LRRFIP1: variants seen among roughly 807,000 people sequenced by gnomAD.
LRRFIP1 encodes leucine-rich repeat flightless-interacting protein 1.
Under a neutral mutation model 104.4 loss-of-function variants are expected in LRRFIP1, and 62 were observed. The observed-to-expected ratio is 0.59, with a 90% CI of 0.48 to 0.73. The LOEUF is 0.73. Among genes scored for constraint, LRRFIP1 ranks in the 30% least tolerant of loss-of-function variants. LRRFIP1 has a pLI of 0.00. For missense variants in LRRFIP1, 796 were observed against 824.5 expected, an observed-to-expected ratio of 0.97 and a Z score of 0.42; for synonymous variants, 300 against 299.0, an observed-to-expected ratio of 1.00 and a Z score of -0.03.
rs2058147245 is a variant in LRRFIP1 at position 237,748,358 on chromosome 2, C to G, written c.634-6C>G. On this transcript the variant is annotated splice_polypyrimidine_tract_variant and splice_region_variant and intron_variant, in intron 11 of 23. Transcript: ENST00000308482. ...TATTTAATATTTTGTCTGTTTTCGT[C>G]TACAGGTAGAAGAGAGACCAGAAAA... 2 of 1,604,178 alleles carry G rather than the reference C, an allele frequency of 1.2e-6. No individual in the cohort carries two copies. The highest frequency in any genetic ancestry group is 1.7e-6 in the Non-Finnish European group (2 of 1,173,812).
chr2:237,734,196 TTTTAAA>T (rs2095145214), intron 9 of LRRFIP1, among the ~76,000 whole-genome samples: 2 of 152,128 alleles, frequency 1.3e-5, no homozygotes, highest in African/African-American at 2.4e-5. Flanking sequence ...AAATTTCCAG[TTTTAAA>T]TATAAGTACT....
At position 237,723,130 on chromosome 2, in the gene LRRFIP1, CAGAA is replaced by C. The variant is rs534970433; in HGVS notation, c.346-415_346-412del. On this transcript the variant is annotated intron_variant, in intron 6 of 23. Transcript: ENST00000308482. The stretch of plus-strand genomic sequence containing the variant: ...TCTGGAATTTGTATGGATGCCTCCT[CAGAA>C]AGTCTAGATTTTGGATTTTCTAGAA... 2.2e-3 allele frequency among the ~76,000 whole-genome samples: 335 copies of C among 152,224 alleles called. 4 individuals are homozygous for C. Among genetic ancestry groups the C allele is most frequent in the African/African-American group, 7.8e-3 (323 of 41,524 alleles).
intron 11 of LRRFIP1, among the ~76,000 whole-genome samples, chr2:237,744,047 T>G (rs750973449): frequency 1.3e-5 from 2 of 152,196 alleles, no homozygotes; most frequent in African/African-American, 2.4e-5. Context: ...AACACTATTT[T>G]GACTCATGTT....
At chr2:237,715,125 T>A (rs2094276432) in intron 3 of LRRFIP1, among the ~76,000 whole-genome samples, 1 of 152,134 alleles carries the variant, frequency 6.6e-6, no homozygotes, top group African/African-American at 2.4e-5. Flanking sequence ...GGGCAGTAAA[T>A]TTAAGAGCCT....
At chr2:237,645,941 G>A (rs556709931) in intron 1 of LRRFIP1, among the ~76,000 whole-genome samples, 1 of 151,936 alleles carries the variant, frequency 6.6e-6, no homozygotes, top group African/African-American at 2.4e-5. Flanking sequence ...GCTCTGGCCT[G>A]CTTCTCCACT....
chr2:237,696,483 A>G (rs879718520), intron 1 of LRRFIP1, among the ~76,000 whole-genome samples: 16 of 152,254 alleles, frequency 1.1e-4, no homozygotes, highest in Non-Finnish European at 1.9e-4. Context: ...CAAAGAAGAC[A>G]CTAAGTAGTG....
intron 2 of LRRFIP1, among the ~76,000 whole-genome samples, chr2:237,710,894 G>A (rs557974222): frequency 1.6e-4 from 25 of 152,060 alleles, no homozygotes; most frequent in African/African-American, 5.3e-4. Flanking sequence ...CCAGCCACAC[G>A]AAAAGAAAAA....
chr2:237,633,702 G>A (rs760883979), intron 1 of LRRFIP1, among the ~76,000 whole-genome samples: 14 of 152,112 alleles, frequency 9.2e-5, no homozygotes, highest in Non-Finnish European at 1.8e-4. Flanking sequence ...AAAGAGTTCC[G>A]AGTCTCTCTG....
Position 237,719,506 on chromosome 2 carries a change from T to C in LRRFIP1, c.250-17T>C, listed in dbSNP as rs1360222396. 6.2e-7 allele frequency: 1 copy of C among 1,609,354 alleles called. No individual in the cohort carries two copies. The highest frequency in any genetic ancestry group is 1.1e-5 in the South Asian group (1 of 90,904). On this transcript the variant is annotated splice_polypyrimidine_tract_variant and intron_variant, in intron 4 of 23. Transcript: ENST00000308482. ...CCATCTGTCTCTAACCTTTTCATGC[T>C]GTTTCTTCATTGTTAGGAAGACAGT...
At position 237,650,986 on chromosome 2, in the gene LRRFIP1, G is replaced by C. The variant is rs533507766; in HGVS notation, c.96+23246G>C. On this transcript the variant is annotated intron_variant, in intron 1 of 23. Transcript: ENST00000308482. ...TTGAAATGCGTATCGGGTCACTCTG[G>C]GGTATGGGTTTCTGATTAGGGGAGT... is the stretch of plus-strand genomic sequence containing the variant. Among the ~76,000 whole-genome samples, 6 of 152,252 alleles carry C rather than the reference G, an allele frequency of 3.9e-5. No homozygotes were observed. The East Asian group carries it at 1.2e-3, about 29-fold the overall frequency.
intron 1 of LRRFIP1, among the ~76,000 whole-genome samples, chr2:237,668,451 G>A (rs1187964564): frequency 3.3e-5 from 5 of 152,066 alleles, no homozygotes; most frequent in African/African-American, 1.2e-4. Flanking sequence ...ATGGTTCCCC[G>A]CCTTACCATC....
intron 1 of LRRFIP1, among the ~76,000 whole-genome samples, chr2:237,685,277 G>A (rs185344559): frequency 1.2e-4 from 18 of 152,302 alleles, no homozygotes; most frequent in African/African-American, 2.2e-4. Context: ...CTGGGAAAGC[G>A]GATACATTTA....
chr2:237,679,916 T>G (rs920278356), intron 1 of LRRFIP1, among the ~76,000 whole-genome samples: 1 of 152,150 alleles, frequency 6.6e-6, no homozygotes, highest in African/African-American at 2.4e-5. Context: ...CCTGATTTTT[T>G]AAATAATGGA....
intron 1 of LRRFIP1, among the ~76,000 whole-genome samples, chr2:237,643,742 G>A (rs1357624074): frequency 6.6e-6 from 1 of 151,534 alleles, no homozygotes; most frequent in Non-Finnish European, 1.5e-5. Context: ...ACAGATGAAT[G>A]AATGAATGAA....
intron 23 of LRRFIP1, among the ~76,000 whole-genome samples, chr2:237,777,513 T>C (rs2061187471): frequency 6.6e-6 from 1 of 152,240 alleles, no homozygotes; most frequent in African/African-American, 2.4e-5. Context: ...TCAATGATTA[T>C]AGCGATTATG....
chr2:237,660,988 T>C (rs953445693), intron 1 of LRRFIP1, among the ~76,000 whole-genome samples: 1 of 152,052 alleles, frequency 6.6e-6, no homozygotes, highest in Admixed American at 6.5e-5. Flanking sequence ...GATCTCCTCT[T>C]GTGAAAGAGG....
At chr2:237,719,087 C>T (rs368975622) in intron 4 of LRRFIP1, among the ~76,000 whole-genome samples, 31 of 152,156 alleles carry the variant, frequency 2.0e-4, no homozygotes, top group African/African-American at 7.0e-4. Context: ...TGTGAAAAAC[C>T]GTGTGTGTCT....
At chr2:237,660,455 T>C (rs1371461872) in intron 1 of LRRFIP1, among the ~76,000 whole-genome samples, 2 of 150,596 alleles carry the variant, frequency 1.3e-5, no homozygotes. Flanking sequence ...AGTGTAGGTT[T>C]GGGGACATAG....
chr2:237,647,608 G>A (rs1263189189), intron 1 of LRRFIP1, among the ~76,000 whole-genome samples: 1 of 151,696 alleles, frequency 6.6e-6, no homozygotes, highest in Admixed American at 6.6e-5. Flanking sequence ...AGGGCGGAGG[G>A]ATAAGGAGCA....
Sources: allele counts gnomAD v4.1 joint callset (sites outside exome capture counted in the v4.1 genomes callset), GRCh38; gene constraint gnomAD v4.1.1; transcripts MANE v1.5; gene names NCBI Gene and HGNC (gene_info 2026-07-23, HGNC 2026-07-21).